The following ZBTB7C variants were observed in gnomAD, a reference collection of about 807,000 sequenced individuals.
ZBTB7C encodes zinc finger and BTB domain-containing protein 7C.
ZBTB7C carries 8 observed loss-of-function variants against 25.7 expected under a neutral mutation model. The ratio of observed to expected loss-of-function variants is 0.31; its 90% CI spans 0.18 to 0.56. The LOEUF is 0.56. Among genes scored for constraint, ZBTB7C ranks in the 20% least tolerant of loss-of-function variants. The probability of loss-of-function intolerance (pLI) is 0.91; values close to 1 mark genes in which losing one functional copy is unlikely to be tolerated. For missense variants in ZBTB7C, 824 were observed against 855.2 expected, an observed-to-expected ratio of 0.96 and a Z score of 0.46; for synonymous variants, 394 against 369.0, an observed-to-expected ratio of 1.07 and a Z score of -0.78.
chr18:48,101,882 T>C (rs1328166070), intron 3 of ZBTB7C, among the ~76,000 whole-genome samples: 1 of 152,208 alleles, frequency 6.6e-6, no homozygotes, highest in East Asian at 1.9e-4. Context: ...GTTCGCTCTC[T>C]CTGCATGACT....
intron 1 of ZBTB7C, among the ~76,000 whole-genome samples, chr18:48,374,881 C>A (rs1281058145): frequency 6.6e-6 from 1 of 152,220 alleles, no homozygotes; most frequent in Non-Finnish European, 1.5e-5. Context: ...CAGCTAGACC[C>A]CGGCAGACAG....
rs780070981 is a variant in ZBTB7C, at chr18:48,062,021, G to A, written c.-16-20898C>T. On this transcript the variant is annotated intron_variant, in intron 3 of 4. Coordinates refer to ENST00000590800, the MANE Select transcript of ZBTB7C (RefSeq NM_001318841.2). ...GCACACAGTGTACCTCTGTTCTCAC[G>A]TGTGGCAAGAAGGACAAAGTGCTAA... is the stretch of plus-strand genomic sequence containing the variant. Among the ~76,000 whole-genome samples the A allele has an allele frequency of 3.9e-5, 6 of 152,216 alleles. No individual in the cohort carries two copies. The East Asian group carries it at 7.7e-4, about 20-fold the overall frequency.
Position 48,376,392 on chromosome 18 carries a change from G to A in ZBTB7C, c.-304+32834C>T, listed in dbSNP as rs188984326. Among the ~76,000 whole-genome samples the A allele has an allele frequency of 5.3e-5, 8 of 151,780 alleles. 1 individual carries two copies. The highest frequency in any genetic ancestry group is 1.9e-4 in the African/African-American group (8 of 41,376). On this transcript the variant is annotated intron_variant, in intron 1 of 4. Transcript: ENST00000590800. ...GTAGATGCCCTCTAAGAAGCAGATC[G>A]TTTGAAAAACCAGCTTCCCACGTGA...
chr18:48,387,042 A>G (rs1055121708), intron 1 of ZBTB7C, among the ~76,000 whole-genome samples: 1 of 152,238 alleles, frequency 6.6e-6, no homozygotes, highest in Non-Finnish European at 1.5e-5. Flanking sequence ...GAATTTCAAA[A>G]GATGAGTTGG....
intron 2 of ZBTB7C, among the ~76,000 whole-genome samples, chr18:48,256,343 G>C (rs1034678059): frequency 1.3e-5 from 2 of 151,890 alleles, no homozygotes; most frequent in Non-Finnish European, 2.9e-5. Flanking sequence ...ACAAAATAAT[G>C]TGGGCAAAAA....
At chr18:48,051,243 A>G (rs2036674268) in intron 3 of ZBTB7C, among the ~76,000 whole-genome samples, 1 of 152,238 alleles carries the variant, frequency 6.6e-6, no homozygotes, top group South Asian at 2.1e-4. Flanking sequence ...CTTGAAGGGT[A>G]CCGAAGAGCG....
rs183178235 is a variant in ZBTB7C, at chr18:48,127,937, G to A, written c.-17+57997C>T. Among the ~76,000 whole-genome samples, 12 of 152,294 alleles carry A rather than the reference G, an allele frequency of 7.9e-5. No individual in the cohort carries two copies. The South Asian group carries it at 2.1e-3, about 26-fold the overall frequency. ...CCACAGCTGCGTGTCCACAAGGGCC[G>A]GCCAGAGGCTGCCCAGCCCAGCCAA... On this transcript the variant is annotated intron_variant, in intron 3 of 4. Coordinates refer to ENST00000590800, the MANE Select transcript of ZBTB7C (RefSeq NM_001318841.2).
intron 3 of ZBTB7C, among the ~76,000 whole-genome samples, chr18:48,056,290 A>T (rs1364719408): frequency 6.6e-6 from 1 of 152,236 alleles, no homozygotes; most frequent in African/African-American, 2.4e-5. Flanking sequence ...TACCATAAAG[A>T]TGCCAATTTC....
intron 2 of ZBTB7C, among the ~76,000 whole-genome samples, chr18:48,251,776 C>T (rs1460962397): frequency 1.3e-5 from 2 of 152,200 alleles, no homozygotes; most frequent in African/African-American, 4.8e-5. Context: ...CTCTGCGGCC[C>T]TATGTGAATC....
chr18:48,208,033 T>G (rs1599104667), intron 2 of ZBTB7C, among the ~76,000 whole-genome samples: 11 of 112,920 alleles, frequency 9.7e-5, no homozygotes, highest in East Asian at 9.3e-4. Context: ...GGTAGGGGGG[T>G]GTGTTGGGGG....
chr18:48,093,300 T>A (rs1192536696), intron 3 of ZBTB7C, among the ~76,000 whole-genome samples: 1 of 151,962 alleles, frequency 6.6e-6, no homozygotes, highest in Non-Finnish European at 1.5e-5. Flanking sequence ...GCTCTAGCCC[T>A]CCCCCTGGCC....
intron 3 of ZBTB7C, among the ~76,000 whole-genome samples, chr18:48,097,640 A>AC (rs1173636559): frequency 1.3e-5 from 2 of 151,958 alleles, no homozygotes; most frequent in Non-Finnish European, 2.9e-5. Flanking sequence ...CAGGTAATCT[A>AC]CCCGCCTTGG....
rs184250931 is a variant in ZBTB7C, at chr18:48,246,046, T to A, written c.-78-60051A>T. On this transcript the variant is annotated intron_variant, in intron 2 of 4. Coordinates refer to ENST00000590800, the MANE Select transcript of ZBTB7C (RefSeq NM_001318841.2). ...ACTATAATATACTGTAAATACTAAA[T>A]TTGGATCTAATCACAATTATGGTAT... Among the ~76,000 whole-genome samples the A allele has an allele frequency of 3.7e-3, 556 of 152,266 alleles. 4 individuals are homozygous for A. Among genetic ancestry groups the A allele is most frequent in the African/African-American group, 0.013 (538 of 41,546 alleles).
chr18:48,208,341 T>A (rs1230872689), intron 2 of ZBTB7C, among the ~76,000 whole-genome samples: 2 of 152,142 alleles, frequency 1.3e-5, no homozygotes, highest in Non-Finnish European at 2.9e-5. Context: ...TGTCCACCAA[T>A]GCCGTTCCTG....
At chr18:48,397,340 C>G (rs188992945) in intron 1 of ZBTB7C, among the ~76,000 whole-genome samples, 12 of 152,306 alleles carry the variant, frequency 7.9e-5, no homozygotes, top group Admixed American at 5.2e-4. Context: ...CTGAGCTTGG[C>G]CCCCATCATG....
chr18:48,108,842 G>C (rs1400310772), intron 3 of ZBTB7C, among the ~76,000 whole-genome samples: 1 of 152,074 alleles, frequency 6.6e-6, no homozygotes, highest in East Asian at 1.9e-4. Flanking sequence ...TCCAGGCCTT[G>C]TGTCACCTTT....
chr18:48,381,068 A>G (rs2047624081), intron 1 of ZBTB7C, among the ~76,000 whole-genome samples: 1 of 152,228 alleles, frequency 6.6e-6, no homozygotes, highest in Non-Finnish European at 1.5e-5. Context: ...ATCCAACCAA[A>G]CTATCAATCA....
chr18:48,047,555 G>C (rs2036522863), intron 3 of ZBTB7C, among the ~76,000 whole-genome samples: 1 of 152,134 alleles, frequency 6.6e-6, no homozygotes, highest in Non-Finnish European at 1.5e-5. Context: ...CTTAGATGTG[G>C]CCACTATTCC....
At chr18:48,242,244 CA>C (rs1414810406) in intron 2 of ZBTB7C, among the ~76,000 whole-genome samples, 19 of 152,108 alleles carry the variant, frequency 1.2e-4, no homozygotes, top group Non-Finnish European at 1.5e-5. Flanking sequence ...AAGATGGATT[CA>C]CAGCTGAATT....
Sources: gnomAD v4.1 joint callset for allele counts (sites outside exome capture counted in the v4.1 genomes callset) on GRCh38, gnomAD v4.1.1 for gene constraint, MANE v1.5 for transcripts, NCBI Gene and HGNC (gene_info 2026-07-23, HGNC 2026-07-21) for gene names.